The following TMTC2 variants were observed in gnomAD, a reference collection of about 807,000 sequenced individuals.
TMTC2 encodes the protein transmembrane O-mannosyltransferase targeting cadherins 2, also known as protein O-mannosyl-transferase TMTC2.
Under a neutral mutation model 82.4 loss-of-function variants are expected in TMTC2, and 43 were observed. That is an observed-to-expected ratio of 0.52 (90% CI 0.41 to 0.67). TMTC2 has a LOEUF of 0.67. Among genes scored for constraint, TMTC2 ranks in the 30% least tolerant of loss-of-function variants. The pLI is 0.00. For synonymous variants in TMTC2, 408 were observed against 381.9 expected (o/e 1.07, Z -0.80); for missense variants, 919 against 1,012.4 (o/e 0.91, Z 1.25).
intron 4 of TMTC2, among the ~76,000 whole-genome samples, chr12:82,964,580 A>C (rs1878102277): frequency 6.6e-6 from 1 of 152,138 alleles, no homozygotes; most frequent in Non-Finnish European, 1.5e-5. Flanking sequence ...CCTTTCAGGC[A>C]GCCAAGCACC....
intron 4 of TMTC2, among the ~76,000 whole-genome samples, chr12:82,962,851 A>G (rs1878003271): frequency 6.6e-6 from 1 of 152,022 alleles, no homozygotes; most frequent in Non-Finnish European, 1.5e-5. Flanking sequence ...ATCCTGTAAA[A>G]CACCAACTCC....
intron 11 of TMTC2, among the ~76,000 whole-genome samples, chr12:83,083,869 A>C (rs1883558192): frequency 6.6e-6 from 1 of 152,244 alleles, no homozygotes; most frequent in Non-Finnish European, 1.5e-5. Flanking sequence ...CTGACTGCCA[A>C]GAGCACATTG....
chr12:82,767,482 G>A (rs1375978252), intron 1 of TMTC2, among the ~76,000 whole-genome samples: 1 of 152,176 alleles, frequency 6.6e-6, no homozygotes, highest in Non-Finnish European at 1.5e-5. Flanking sequence ...AGCTACTTGG[G>A]AGGCTGAGGT....
intron 1 of TMTC2, among the ~76,000 whole-genome samples, chr12:82,761,501 C>G (rs1050649538): frequency 6.6e-6 from 1 of 152,188 alleles, no homozygotes; most frequent in Admixed American, 6.5e-5. Flanking sequence ...CGCTTAAATT[C>G]CTGTCCCACA....
intron 1 of TMTC2, among the ~76,000 whole-genome samples, chr12:82,725,186 T>A (rs1874391563): frequency 1.3e-5 from 2 of 152,058 alleles, no homozygotes; most frequent in South Asian, 4.2e-4. Context: ...TTAGAAGACA[T>A]CCAGATATCC....
At chr12:82,919,196 A>G (rs1436124633) in intron 3 of TMTC2, among the ~76,000 whole-genome samples, 1 of 152,216 alleles carries the variant, frequency 6.6e-6, no homozygotes, top group African/African-American at 2.4e-5. Context: ...AGCACATATG[A>G]GAGAAAAAGC....
intron 1 of TMTC2, among the ~76,000 whole-genome samples, chr12:82,800,905 T>G (rs1239241983): frequency 1.3e-5 from 2 of 152,216 alleles, no homozygotes; most frequent in East Asian, 3.8e-4. Flanking sequence ...AAGAGGGGGT[T>G]AAATCAGAAA....
At chr12:82,847,876 C>T (rs1870773668) in intron 1 of TMTC2, among the ~76,000 whole-genome samples, 1 of 152,050 alleles carries the variant, frequency 6.6e-6, no homozygotes, top group African/African-American at 2.4e-5. Context: ...AGCAAACCAA[C>T]ATGGCACATG....
intron 2 of TMTC2, among the ~76,000 whole-genome samples, chr12:82,888,633 G>C (rs1873226919): frequency 6.6e-6 from 1 of 152,154 alleles, no homozygotes; most frequent in Admixed American, 6.5e-5. Flanking sequence ...CTAGGAGTTA[G>C]CATAATGGTA....
In TMTC2 at chr12:82,966,844, G is replaced by A. The variant is rs1878233984; in HGVS notation, c.1870-75G>A. ...TGGATGGTTTTAACTTTGGAAGAAAGTTATTATCTTATTTTCAGTGACGAT... is the reference window on the plus strand; with the variant it reads ...TGGATGGTTTTAACTTTGGAAGAAAATTATTATCTTATTTTCAGTGACGAT... On this transcript the variant is annotated intron_variant, in intron 6 of 11. Coordinates refer to ENST00000321196, the MANE Select transcript of TMTC2 (RefSeq NM_152588.3). The A allele has an allele frequency of 2.7e-6, 3 of 1,106,860 alleles. No individual in the cohort carries two copies. The South Asian group carries it at 4.3e-5, about 16-fold the overall frequency. 68.6% of individuals were successfully genotyped at this position (1,106,860 alleles called of 1,614,324 possible).
intron 2 of TMTC2, 45 bp downstream of exon 2, chr12:82,857,625 A>G (rs375445778): frequency 7.3e-6 from 11 of 1,514,526 alleles, no homozygotes; most frequent in Admixed American, 6.2e-5. Flanking sequence ...TGAGTAATCT[A>G]CTTGCTTACT....
rs188129710 is a variant in TMTC2 at position 82,735,847 on chromosome 12, G to A, written c.83+48178G>A. Among the ~76,000 whole-genome samples the A allele has an allele frequency of 2.4e-3, 366 of 151,972 alleles. 1 individual carries two copies. The highest frequency in any genetic ancestry group is 8.2e-3 in the African/African-American group (339 of 41,498). ...TAAAAAATAAAAAAATTAGCCTGGCGTGGTGGTAGGCACTACTTGGGAGGC... is the reference window on the plus strand; with the variant it reads ...TAAAAAATAAAAAAATTAGCCTGGCATGGTGGTAGGCACTACTTGGGAGGC... On this transcript the variant is annotated intron_variant, in intron 1 of 11. Coordinates refer to ENST00000321196, the MANE Select transcript of TMTC2 (RefSeq NM_152588.3).
chr12:82,980,251 A>G (rs993434801), intron 7 of TMTC2, among the ~76,000 whole-genome samples: 1 of 151,880 alleles, frequency 6.6e-6, no homozygotes, highest in Admixed American at 6.6e-5. Flanking sequence ...AAAGTAACCT[A>G]TAAAAGGGAA....
At chr12:83,029,716 GT>G (rs1881345321) in intron 8 of TMTC2, among the ~76,000 whole-genome samples, 1 of 152,130 alleles carries the variant, frequency 6.6e-6, no homozygotes, top group African/African-American at 2.4e-5. Flanking sequence ...GCTTATTAGG[GT>G]TGTTCTCCTA....
intron 11 of TMTC2, among the ~76,000 whole-genome samples, chr12:83,123,108 A>C (rs544787131): frequency 7.2e-5 from 11 of 152,356 alleles, no homozygotes; most frequent in African/African-American, 2.6e-4. Flanking sequence ...ATAGAAATGT[A>C]TAACACCCAA....
intron 2 of TMTC2, among the ~76,000 whole-genome samples, chr12:82,893,749 A>T (rs1873518145): frequency 6.6e-6 from 1 of 152,228 alleles, no homozygotes; most frequent in Non-Finnish European, 1.5e-5. Flanking sequence ...TATCACCATA[A>T]AGTGAGAAGG....
intron 2 of TMTC2, among the ~76,000 whole-genome samples, chr12:82,868,116 G>A (rs76241182): frequency 0.082 from 12,560 of 152,268 alleles, 715 homozygotes; most frequent in Middle Eastern, 0.2. Context: ...TATAGTAAAT[G>A]TGTACTCTTT....
chr12:82,773,275 G>C (rs1877403889), intron 1 of TMTC2, among the ~76,000 whole-genome samples: 2 of 152,128 alleles, frequency 1.3e-5, no homozygotes, highest in South Asian at 4.1e-4. Context: ...AAGCTTGACA[G>C]TGATTTATTA....
At chr12:83,055,730 G>GTGTA (rs942325815) in intron 10 of TMTC2, among the ~76,000 whole-genome samples, 1 of 150,896 alleles carries the variant, frequency 6.6e-6, no homozygotes, top group African/African-American at 2.5e-5. Context: ...GTGTGTGTGT[G>GTGTA]TGTATGTGTG....
Sources: allele counts gnomAD v4.1 joint callset (sites outside exome capture counted in the v4.1 genomes callset), GRCh38; gene constraint gnomAD v4.1.1; transcripts MANE v1.5; gene names NCBI Gene and HGNC (gene_info 2026-07-23, HGNC 2026-07-21).